GRHL3: variants seen among roughly 807,000 people sequenced by gnomAD.
The protein encoded by GRHL3 is grainyhead-like protein 3 homolog.
A neutral mutation model predicts 70.3 loss-of-function variants in GRHL3; 20 were observed. The ratio of observed to expected loss-of-function variants is 0.28; its 90% CI spans 0.20 to 0.41. The LOEUF (loss-of-function observed/expected upper bound fraction) is 0.41. GRHL3 is among the 10% of genes least tolerant of loss of function. The pLI is 1.00. For synonymous variants in GRHL3, 299 were observed against 299.9 expected (o/e 1.00, Z 0.03); for missense variants, 637 against 762.3 (o/e 0.84, Z 1.94).
chr1:24,352,263 A>G (rs1640543435), intron 15 of GRHL3, among the ~76,000 whole-genome samples: 1 of 152,192 alleles, frequency 6.6e-6, no homozygotes, highest in Non-Finnish European at 1.5e-5. Context: ...ATTCTGATCA[A>G]AGGCCTGGTT....
chr1:24,344,616 G>C (rs1196107695), intron 11 of GRHL3, among the ~76,000 whole-genome samples: 1 of 151,860 alleles, frequency 6.6e-6, no homozygotes, highest in African/African-American at 2.4e-5. Flanking sequence ...CTGGGGCCCA[G>C]GTGGGGCTCA....
chr1:24,356,343 C>T (rs1477611551), downstream of GRHL3, among the ~76,000 whole-genome samples: 4 of 151,606 alleles, frequency 2.6e-5, no homozygotes, highest in East Asian at 1.9e-4. Flanking sequence ...CCCGGGTTCA[C>T]GCCATTCTGC....
At chr1:24,356,253 G>GT (rs1374764016), downstream of GRHL3, among the ~76,000 whole-genome samples, 5 of 142,696 alleles carry the variant, frequency 3.5e-5, no homozygotes, top group East Asian at 8.6e-4. Flanking sequence ...CTTTTTTTTT[G>GT]TTTTTTTGAG....
intron 1 of GRHL3, chr1:24,323,118 G>C: frequency 6.6e-7 from 1 of 1,519,992 alleles, no homozygotes; most frequent in Non-Finnish European, 8.9e-7. Context: ...CTATTTTTCT[G>C]TAGGTTCTAC....
intron 1 of GRHL3, among the ~76,000 whole-genome samples, chr1:24,325,378 T>G (rs1249347183): frequency 6.6e-6 from 1 of 152,234 alleles, no homozygotes; most frequent in Non-Finnish European, 1.5e-5. Flanking sequence ...TGCCGTATGC[T>G]GCATGTCCTT....
chr1:24,348,628 G>A (rs532575620), intron 14 of GRHL3, among the ~76,000 whole-genome samples: 15 of 152,306 alleles, frequency 9.8e-5, no homozygotes, highest in South Asian at 6.2e-4. Context: ...CTTTTGACCC[G>A]TGTACCTCCA....
downstream of GRHL3, among the ~76,000 whole-genome samples, chr1:24,360,063 G>T (rs752735466): frequency 6.6e-6 from 1 of 152,168 alleles, no homozygotes; most frequent in East Asian, 1.9e-4. Flanking sequence ...ACTCGCTGCG[G>T]ACCTGTGGCC....
At position 24,338,093 on chromosome 1, in the gene GRHL3, C is replaced by A; in HGVS notation, c.942C>A (p.Val314=). ...GGCAACCCACTGCCAAGCAGCGGGT[C>A]ATTGACGTGGGTGAGAGCCTTCTCA... ...HSRQPTAKQR[V]IDVADCKENF... is the part of the protein sequence containing the mutation. Residue 314 remains valine (V), a synonymous_variant, in exon 7 of 16, where the codon GTC becomes GTA. Coordinates refer to ENST00000361548, the MANE Select transcript of GRHL3 (RefSeq NM_198173.3). The A allele has an allele frequency of 6.2e-7, 1 of 1,606,572 alleles. No individual in the cohort carries two copies. Among genetic ancestry groups the A allele is most frequent in the South Asian group, 1.1e-5 (1 of 89,850 alleles).
Position 24,322,916 on chromosome 1 carries a change from G to T in GRHL3, c.17+3348G>T. ...TGTAAATGCAGTTTTGCCGAAGAGG[G>T]GACCCAGACCTGGTTCAGGCTTGCC... On this transcript the variant is annotated intron_variant, in intron 1 of 15. Coordinates refer to ENST00000361548, the MANE Select transcript of GRHL3 (RefSeq NM_198173.3). This position sits in a 1 kb window ranked among gnomAD's most constrained non-coding sequence, Gnocchi z 4.4. The T allele has an allele frequency of 1.7e-6, 1 of 603,362 alleles. No homozygotes were observed. Among genetic ancestry groups the T allele is most frequent in the Non-Finnish European group, 2.9e-6 (1 of 339,708 alleles). The allele number at this position is 603,362 out of a possible 1,614,324, so 37.4% of individuals were successfully genotyped here. A position where few individuals can be genotyped will look rare whatever the true frequency, so the allele number is the denominator to read the frequency against.
intron 2 of GRHL3, among the ~76,000 whole-genome samples, chr1:24,331,831 A>G (rs978459192): frequency 3.3e-5 from 5 of 152,142 alleles, no homozygotes; most frequent in Non-Finnish European, 5.9e-5. Context: ...TTCACTGGAG[A>G]GGAGGCTTTC....
rs1241732849 is a variant in GRHL3, at chr1:24,346,600, C to T, written c.1502C>T (p.Pro501Leu). The T allele has an allele frequency of 1.2e-6, 2 of 1,613,194 alleles. No individual in the cohort carries two copies. Among genetic ancestry groups the T allele is most frequent in the African/African-American group, 2.7e-5 (2 of 74,918 alleles). ...TCGCCCTTCACTGAGGAGTTTGAGC[C>T]TCTGCCCTCCAAGCAGGCCAAGGAA... ...TCSPFTEEFEPLPSKQAKEGD... is the reference protein window; with the variant it reads ...TCSPFTEEFELLPSKQAKEGD... The change falls in exon 13 of 16, where the codon CCT becomes CTT. Residue 501 changes from proline (P) to leucine (L), a missense_variant. This residue lies in a region of GRHL3 where 387 missense variants were observed against 513.8 expected (regional missense o/e 0.75). Transcript: ENST00000361548.
At chr1:24,335,828 C>T (rs546408778) in intron 3 of GRHL3, among the ~76,000 whole-genome samples, 130 of 152,198 alleles carry the variant, frequency 8.5e-4, no homozygotes, top group African/African-American at 2.7e-3. Flanking sequence ...GTGATCCGCC[C>T]GCCTCGGCCT....
chr1:24,340,357 A>G (rs1639989852), intron 8 of GRHL3, among the ~76,000 whole-genome samples: 1 of 152,228 alleles, frequency 6.6e-6, no homozygotes, highest in Admixed American at 6.5e-5. Flanking sequence ...ATTGGAGTGC[A>G]GAGCCCACAA....
intron 7 of GRHL3, among the ~76,000 whole-genome samples, chr1:24,339,351 C>G (rs1366869280): frequency 1.3e-5 from 2 of 151,774 alleles, no homozygotes; most frequent in East Asian, 3.9e-4. Flanking sequence ...TCTCGGCTCA[C>G]TGCAACCTCC....
intron 3 of GRHL3, among the ~76,000 whole-genome samples, chr1:24,335,050 CACACACACACACAG>C (rs1185578657): frequency 6.3e-5 from 9 of 143,762 alleles, no homozygotes; most frequent in African/African-American, 2.4e-4. Flanking sequence ...CACACACACA[CACACACACACACAG>C]ACACACACCC....
intron 1 of GRHL3, 67 bp downstream of exon 1, chr1:24,319,635 G>A (rs1204536727): frequency 1.2e-6 from 2 of 1,612,322 alleles, no homozygotes; most frequent in Non-Finnish European, 1.7e-6. Context: ...TTCCTGGAGG[G>A]GGAAGAGCGG....
chr1:24,349,424 CCT>C, intron 14 of GRHL3, among the ~76,000 whole-genome samples: 1 of 152,318 alleles, frequency 6.6e-6, no homozygotes, highest in African/African-American at 2.4e-5. Flanking sequence ...TGGGCTTTCC[CCT>C]GTCCCAGCAG....
At chr1:24,340,051 C>G (rs866474606) in intron 8 of GRHL3, among the ~76,000 whole-genome samples, 2 of 152,312 alleles carry the variant, frequency 1.3e-5, no homozygotes, top group South Asian at 2.1e-4. Context: ...ATAGTACCAA[C>G]TGGTAGGTTG....
chr1:24,351,292 C>T (rs1221737071), intron 15 of GRHL3, among the ~76,000 whole-genome samples: 1 of 152,128 alleles, frequency 6.6e-6, no homozygotes, highest in Non-Finnish European at 1.5e-5. Flanking sequence ...GGGGCCTGGC[C>T]GCCTTCCTCA....
Sources: gnomAD v4.1 joint callset for allele counts (sites outside exome capture counted in the v4.1 genomes callset) on GRCh38, gnomAD v4.1.1 for gene constraint, gnomAD v4.1.1 regional missense constraint, Gnocchi (gnomAD v3.1) non-coding constraint, MANE v1.5 for transcripts, NCBI Gene and HGNC (gene_info 2026-07-23, HGNC 2026-07-21) for gene names.